APPBP2: variants seen among roughly 807,000 people sequenced by gnomAD.
APPBP2 encodes amyloid protein-binding protein 2.
Under a neutral mutation model 76.0 loss-of-function variants are expected in APPBP2, and 15 were observed. The observed-to-expected ratio is 0.20, with a 90% CI of 0.13 to 0.30. The LOEUF (loss-of-function observed/expected upper bound fraction) is 0.30. Ranked by LOEUF, APPBP2 falls within the 10% of genes least tolerant of loss-of-function variation. The pLI, the probability that APPBP2 is intolerant of heterozygous loss-of-function variation, is 1.00. For synonymous variants in APPBP2, 222 were observed against 242.2 expected (o/e 0.92, Z 0.77); for missense variants, 401 against 687.2 (o/e 0.58, Z 4.66).
intron 1 of APPBP2, among the ~76,000 whole-genome samples, chr17:60,516,915 C>A (rs947428335): frequency 7.2e-5 from 11 of 152,212 alleles, no homozygotes; most frequent in Non-Finnish European, 1.3e-4. Flanking sequence ...GAGTTTCTTT[C>A]TAAATGTTTG....
At chr17:60,494,316 T>TTTA in intron 3 of APPBP2, 150 bp downstream of exon 3, 1 of 713,838 alleles carries the variant, frequency 1.4e-6, no homozygotes, top group South Asian at 2.0e-5. Flanking sequence ...ATGTATAGTA[T>TTTA]AATGCTTTGG....
intron 1 of APPBP2, among the ~76,000 whole-genome samples, chr17:60,505,549 T>C (rs186760459): frequency 1.3e-5 from 2 of 152,098 alleles, no homozygotes; most frequent in African/African-American, 4.8e-5. Context: ...TCTCCTGACC[T>C]TGTGATCCGC....
At chr17:60,525,258 C>T (rs749939908) in intron 1 of APPBP2, among the ~76,000 whole-genome samples, 3 of 152,182 alleles carry the variant, frequency 2.0e-5, no homozygotes, top group Non-Finnish European at 2.9e-5. Context: ...AAATAAAACA[C>T]ACAGATTATT....
In APPBP2 at chr17:60,500,379, T is replaced by C. The variant is rs1471198860; in HGVS notation, c.227+20A>G. ...ATTTTATGTTATGTATATTTTACAA[T>C]TTTTTAAAAAAGAATTTACCTTTTA... On this transcript the variant is annotated intron_variant, in intron 2 of 12. Transcript: ENST00000083182. 1 of 1,524,854 alleles carries C rather than the reference T, an allele frequency of 6.6e-7. No homozygotes were observed. The highest frequency in any genetic ancestry group is 2.3e-5 in the East Asian group (1 of 44,168). The allele number at this position is 1,524,854 out of a possible 1,614,324, so 94.5% of individuals were successfully genotyped here.
rs745772050 is a variant in APPBP2 at position 60,454,274 on chromosome 17, G to A, written c.1338+28C>T. 19 of 1,484,152 alleles carry A rather than the reference G, an allele frequency of 1.3e-5. No individual in the cohort carries two copies. In the African/African-American group the frequency reaches 2.0e-4, roughly 16 times the overall value. The allele number at this position is 1,484,152 out of a possible 1,614,324, so 91.9% of individuals were successfully genotyped here. A position where few individuals can be genotyped will look rare whatever the true frequency, so the allele number is the denominator to read the frequency against. On this transcript the variant is annotated intron_variant, in intron 11 of 12. Transcript: ENST00000083182. ...AGGTTCTATTTCATTACTTAAGAGAGAAAAATATAGTAAAAACATGTTTCT... is the reference window on the plus strand; with the variant it reads ...AGGTTCTATTTCATTACTTAAGAGAAAAAAATATAGTAAAAACATGTTTCT...
At chr17:60,519,163 A>G (rs2090988479) in intron 1 of APPBP2, among the ~76,000 whole-genome samples, 1 of 151,682 alleles carries the variant, frequency 6.6e-6, no homozygotes, top group Non-Finnish European at 1.5e-5. Flanking sequence ...GTGTCTCCCT[A>G]TGTTGCCCAG....
intron 3 of APPBP2, among the ~76,000 whole-genome samples, chr17:60,479,610 T>C (rs2090614913): frequency 6.6e-6 from 1 of 152,174 alleles, no homozygotes; most frequent in African/African-American, 2.4e-5. Flanking sequence ...CATCTCCCAA[T>C]ACACAATCCC....
chr17:60,484,609 T>C (rs1311035277), intron 3 of APPBP2, among the ~76,000 whole-genome samples: 1 of 152,202 alleles, frequency 6.6e-6, no homozygotes, highest in African/African-American at 2.4e-5. Context: ...GCTTATCAGC[T>C]TAAGGAGATT....
intron 3 of APPBP2, among the ~76,000 whole-genome samples, chr17:60,482,665 G>T (rs2090639620): frequency 2.6e-5 from 4 of 152,168 alleles, no homozygotes; most frequent in Admixed American, 2.0e-4. Flanking sequence ...ATTCCCACCT[G>T]AGTGAGAACA....
chr17:60,505,676 GTTTTTTTTTT>G lies in APPBP2; in HGVS notation c.139-5199_139-5190del, dbSNP rs1170935393. Among the ~76,000 whole-genome samples, 232 of 85,704 alleles carry G rather than the reference GTTTTTTTTTT, an allele frequency of 2.7e-3. 2 individuals are homozygous for G. Among genetic ancestry groups the G allele is most frequent in the African/African-American group, 0.016 (205 of 12,992 alleles). 56.2% of individuals were successfully genotyped at this position (85,704 alleles called of 152,430 possible). On this transcript the variant is annotated intron_variant, in intron 1 of 12. Transcript: ENST00000083182. ...TCCTAAAAGCCACCTGACCCCTGCG[GTTTTTTTTTT>G]TTTTTTTTTTTTTTTTTGAGATGGA...
chr17:60,507,650 A>G (rs2090879197), intron 1 of APPBP2, among the ~76,000 whole-genome samples: 2 of 152,180 alleles, frequency 1.3e-5, no homozygotes, highest in Non-Finnish European at 2.9e-5. Context: ...TTAGGGAATC[A>G]ATTATTTAGT....
Position 60,447,548 on chromosome 17 carries a change from G to A in APPBP2, c.*33C>T, listed in dbSNP as rs771221695. 13 of 1,564,144 alleles carry A rather than the reference G, an allele frequency of 8.3e-6. No individual in the cohort carries two copies. In the South Asian group the frequency reaches 8.4e-5, roughly 10 times the overall value. On this transcript the variant is annotated 3_prime_UTR_variant, in exon 13 of 13. Transcript: ENST00000083182. ...TCACAGTATGAATTCCCTGGAATCC[G>A]GGAAAAGGTAATTGGTTAACTGAGG...
Position 60,464,027 on chromosome 17 carries a change from A to C in APPBP2, c.756T>G (p.Ala252=). 1 of 1,599,252 alleles carries C rather than the reference A, an allele frequency of 6.3e-7. No individual in the cohort carries two copies. The highest frequency in any genetic ancestry group is 1.1e-5 in the South Asian group (1 of 89,242). ...ATTTTAACATTATATTTACCTTAGA[A>C]GCTTGTCTTAAGACATCCACCACAA... The part of the protein sequence containing the change: ...VKVVVDVLRQ[A]SKACVVKREF... The change falls in exon 6 of 13, where the codon GCT becomes GCG. Residue 252 remains alanine (A), a synonymous_variant. Coordinates refer to ENST00000083182, the MANE Select transcript of APPBP2 (RefSeq NM_006380.5).
At chr17:60,525,626 G>A (rs1271342938) in intron 1 of APPBP2, among the ~76,000 whole-genome samples, 168 bp downstream of exon 1, 2 of 152,174 alleles carry the variant, frequency 1.3e-5, no homozygotes, top group East Asian at 1.9e-4. Flanking sequence ...CAGGGCATAG[G>A]GAGATGGGGT....
At chr17:60,474,414 T>G (rs1164750928) in intron 4 of APPBP2, among the ~76,000 whole-genome samples, 1 of 152,120 alleles carries the variant, frequency 6.6e-6, no homozygotes, top group African/African-American at 2.4e-5. Flanking sequence ...CCTTAGGTGA[T>G]CCACCCACCC....
At chr17:60,495,978 C>G (rs2090772827) in intron 2 of APPBP2, among the ~76,000 whole-genome samples, 1 of 152,144 alleles carries the variant, frequency 6.6e-6, no homozygotes. Context: ...AGTACTGATG[C>G]AAGCAACAAC....
At chr17:60,463,460 G>C (rs1454250949) in intron 6 of APPBP2, among the ~76,000 whole-genome samples, 2 of 152,180 alleles carry the variant, frequency 1.3e-5, no homozygotes, top group Non-Finnish European at 2.9e-5. Flanking sequence ...GGGCAACATA[G>C]TGAGACCCTG....
At position 60,493,972 on chromosome 17, in the gene APPBP2, T is replaced by C. The variant is rs186271315; in HGVS notation, c.379+494A>G. ...ATTTTTAAGGTCTCACTATGTTGCTTTTACATTTCTTTTCACTATCCTCAT... is the reference window on the plus strand; with the variant it reads ...ATTTTTAAGGTCTCACTATGTTGCTCTTACATTTCTTTTCACTATCCTCAT... On this transcript the variant is annotated intron_variant, in intron 3 of 12. Coordinates refer to ENST00000083182, the MANE Select transcript of APPBP2 (RefSeq NM_006380.5). Among the ~76,000 whole-genome samples the C allele has an allele frequency of 3.9e-5, 6 of 152,304 alleles. No homozygotes were observed. In the South Asian group the frequency reaches 8.3e-4, roughly 21 times the overall value.
chr17:60,479,376 T>G, intron 3 of APPBP2, 105 bp from the exon 4 acceptor site: 1 of 1,201,002 alleles, frequency 8.3e-7, no homozygotes, highest in Non-Finnish European at 1.1e-6. Context: ...TAAACCATGA[T>G]AGTAAAATCT....
Sources: gnomAD v4.1 joint callset for allele counts (sites outside exome capture counted in the v4.1 genomes callset) on GRCh38, gnomAD v4.1.1 for gene constraint, MANE v1.5 for transcripts, NCBI Gene and HGNC (gene_info 2026-07-23, HGNC 2026-07-21) for gene names.